Variants in HSPA4 observed in about 807,000 individuals in gnomAD.
The protein encoded by HSPA4 is heat shock protein family A (Hsp70) member 4.
Under a neutral mutation model 106.2 loss-of-function variants are expected in HSPA4, and 25 were observed. That is an observed-to-expected ratio of 0.24 (90% CI 0.17 to 0.33). The LOEUF (loss-of-function observed/expected upper bound fraction) is 0.33. Among genes scored for constraint, HSPA4 ranks in the 10% least tolerant of loss-of-function variants. HSPA4 has a pLI of 1.00. For synonymous variants in HSPA4, 332 were observed against 333.6 expected, an observed-to-expected ratio of 1.00 and a Z score of 0.05; for missense variants, 841 against 996.0, an observed-to-expected ratio of 0.84 and a Z score of 2.10.
intron 5 of HSPA4, 79 bp downstream of exon 5, chr5:133,073,408 C>A: frequency 3.0e-6 from 3 of 985,684 alleles, no homozygotes; most frequent in Non-Finnish European, 1.6e-6. Context: ...GGGTTTCTTG[C>A]TCTTTATTTT....
chr5:133,101,463 A>G (rs762044762), intron 16 of HSPA4: 2 of 206,278 alleles, frequency 9.7e-6, no homozygotes, highest in African/African-American at 4.6e-5. Flanking sequence ...TTTGGCAAGT[A>G]TACTTTATAT....
At position 133,104,257 on chromosome 5, in the gene HSPA4, A is replaced by C; in HGVS notation, c.2344A>C (p.Ile782Leu). 6.2e-7 allele frequency: 1 copy of C among 1,614,134 alleles called. No homozygotes were observed. Among genetic ancestry groups the C allele is most frequent in the Non-Finnish European group, 8.5e-7 (1 of 1,179,996 alleles). The change falls in exon 19 of 19, where the codon ATA (isoleucine) becomes CTA (leucine). Residue 782 changes from isoleucine (I) to leucine (L), a missense_variant. Physicochemically the swap from Ile to Leu is conservative, Grantham distance 5. Transcript: ENST00000304858. Reference protein sequence around the residue: ...IKELTSTCSPIISKPKPKVEP... With the variant: ...IKELTSTCSPLISKPKPKVEP... The stretch of plus-strand genomic sequence containing the variant: ...GGAGCTGACAAGTACTTGTAGCCCT[A>C]TAATTTCAAAGCCCAAACCCAAAGT...
chr5:133,098,575 G>A (rs184771389), intron 15 of HSPA4, among the ~76,000 whole-genome samples: 240 of 151,528 alleles, frequency 1.6e-3, no homozygotes, highest in African/African-American at 5.3e-3. Context: ...CACCTGCCTC[G>A]GCCTCCCAGA....
intron 3 of HSPA4, among the ~76,000 whole-genome samples, chr5:133,069,043 C>T (rs56104944): frequency 0.22 from 33,209 of 151,978 alleles, 3,774 homozygotes; most frequent in South Asian, 0.26. Flanking sequence ...GAAGGTGGCA[C>T]GCAAGCTTGA....
rs1401260344 is a variant in HSPA4 at position 133,104,387 on chromosome 5, C to T, written c.2474C>T (p.Ala825Val). The change falls in exon 19 of 19, where the codon GCT (alanine) becomes GTT (valine). Residue 825 changes from alanine (A) to valine (V), a missense_variant. Around this residue, in one of 5 missense-constraint regions of HSPA4, gnomAD observed 328 missense variants for 372.2 expected, o/e 0.88. Transcript: ENST00000304858. ...PQAAEQGTDT[A>V]VPSDSDKKLP... ...GCTGCTGAGCAGGGTACAGACACAG[C>T]TGTGCCTTCGGATTCAGACAAGAAG... 1.9e-6 allele frequency: 3 copies of T among 1,614,062 alleles called. No individual in the cohort carries two copies. The highest frequency in any genetic ancestry group is 2.5e-6 in the Non-Finnish European group (3 of 1,180,046).
chr5:133,078,492 G>C lies in HSPA4; in HGVS notation c.908+1594G>C, dbSNP rs371369960. Among the ~76,000 whole-genome samples, 4 of 151,486 alleles carry C rather than the reference G, an allele frequency of 2.6e-5. No homozygotes were observed. In the East Asian group the frequency reaches 5.9e-4, roughly 22 times the overall value. On this transcript the variant is annotated intron_variant, in intron 7 of 18. Coordinates refer to ENST00000304858, the MANE Select transcript of HSPA4 (RefSeq NM_002154.4). ...TCTACTAAAAATACAAAAACTAGCT[G>C]GGTGTGGTGGCAGGCGCCTGTAATC...
chr5:133,084,509 C>T lies in HSPA4; in HGVS notation c.909-2273C>T, dbSNP rs561063904. On this transcript the variant is annotated intron_variant, in intron 7 of 18. Coordinates refer to ENST00000304858, the MANE Select transcript of HSPA4 (RefSeq NM_002154.4). ...TTTTGAGATGGAGTTTCACTCTTTT[C>T]GTCCAGGTTGGAGTGCAGTGTCCTG... Among the ~76,000 whole-genome samples, 5 of 152,136 alleles carry T rather than the reference C, an allele frequency of 3.3e-5. No homozygotes were observed. In the South Asian group the frequency reaches 6.2e-4, roughly 19 times the overall value.
chr5:133,067,603 AT>A (rs1372483257), intron 3 of HSPA4, 46 bp downstream of exon 3: 1 of 1,463,062 alleles, frequency 6.8e-7, no homozygotes, highest in Non-Finnish European at 9.5e-7. Context: ...GCATTATTAT[AT>A]TTTATCAGTT....
chr5:133,095,014 C>T (rs899605988), intron 13 of HSPA4, among the ~76,000 whole-genome samples: 2 of 152,058 alleles, frequency 1.3e-5, no homozygotes, highest in Admixed American at 1.3e-4. Context: ...ACAAATAATA[C>T]AGTTAGAAAA....
intron 16 of HSPA4, chr5:133,101,521 C>T: frequency 5.2e-6 from 2 of 384,752 alleles, no homozygotes; most frequent in South Asian, 9.0e-5. Flanking sequence ...TTGGTGGTCT[C>T]CCTGCTGTGT....
At position 133,103,958 on chromosome 5, in the gene HSPA4, C is replaced by G. The variant is rs748456849; in HGVS notation, c.2251C>G (p.Leu751Val). The change falls in exon 18 of 19, where the codon CTG becomes GTG. Residue 751 changes from leucine to valine, a missense_variant. Physicochemically the swap from Leu to Val is conservative, Grantham distance 32. Transcript: ENST00000304858. ...GGAGTGGATGAATAACAAGCTAAAT[C>G]TGCAGAACAAGCAGAGTTTGACCAT... ...AMEWMNNKLN[L>V]QNKQSLTMDP... 2.5e-6 allele frequency: 4 copies of G among 1,613,892 alleles called. No individual in the cohort carries two copies. The highest frequency in any genetic ancestry group is 4.5e-5 in the East Asian group (2 of 44,864).
rs745701169 is a variant in HSPA4, at chr5:133,070,362, G to A, written c.307-12G>A. The A allele has an allele frequency of 1.9e-6, 3 of 1,605,138 alleles. No homozygotes were observed. Among genetic ancestry groups the A allele is most frequent in the South Asian group, 1.1e-5 (1 of 89,632 alleles). On this transcript the variant is annotated splice_polypyrimidine_tract_variant and intron_variant, in intron 3 of 18. Coordinates refer to ENST00000304858, the MANE Select transcript of HSPA4 (RefSeq NM_002154.4). ...TATAATAAGTCTAGGCCCCTTTGTT[G>A]TTTTCTTGCAGGTGACATATATGGA...
intron 15 of HSPA4, among the ~76,000 whole-genome samples, chr5:133,098,931 A>C (rs776596073): frequency 3.4e-4 from 52 of 152,024 alleles, no homozygotes; most frequent in Non-Finnish European, 6.2e-4. Context: ...AGCCTCCCAA[A>C]GTGCTGGGAT....
At chr5:133,084,820 C>T (rs971737102) in intron 7 of HSPA4, among the ~76,000 whole-genome samples, 8 of 151,512 alleles carry the variant, frequency 5.3e-5, no homozygotes, top group Admixed American at 3.3e-4. Flanking sequence ...CCACTTTTCC[C>T]TTTTTTTTGG....
At chr5:133,052,749 C>G (rs1162158378) in intron 1 of HSPA4, 1 of 176,556 alleles carries the variant, frequency 5.7e-6, no homozygotes, top group Non-Finnish European at 1.2e-5. Flanking sequence ...AAGCTCAGAA[C>G]TTTGCACACA....
In HSPA4 at chr5:133,104,334, T is replaced by C; in HGVS notation, c.2421T>C (p.Asp807=). The C allele has an allele frequency of 1.2e-6, 2 of 1,614,154 alleles. No individual in the cohort carries two copies. Among genetic ancestry groups the C allele is most frequent in the Non-Finnish European group, 1.7e-6 (2 of 1,180,016 alleles). The change falls in exon 19 of 19, where the codon GAT becomes GAC. Residue 807 remains aspartate (D), a synonymous_variant. Transcript: ENST00000304858. ...ATGCAGAGCAGAATGGACCAGTGGA[T>C]GGACAAGGAGACAACCCAGGCCCCC... is the stretch of plus-strand genomic sequence containing the variant. ...QKNAEQNGPV[D]GQGDNPGPQA...
intron 1 of HSPA4, among the ~76,000 whole-genome samples, chr5:133,060,455 C>G (rs533490763): frequency 6.6e-6 from 1 of 152,148 alleles, no homozygotes; most frequent in East Asian, 1.9e-4. Flanking sequence ...CTCTGCCTCC[C>G]CGGTTCAAGT....
intron 15 of HSPA4, 88 bp from the exon 16 acceptor site, chr5:133,099,457 T>G: frequency 1.6e-6 from 1 of 619,102 alleles, no homozygotes; most frequent in Non-Finnish European, 2.8e-6. Flanking sequence ...AAAGCAAATC[T>G]CAGATACATC....
At chr5:133,080,785 A>G (rs953818176) in intron 7 of HSPA4, among the ~76,000 whole-genome samples, 12 of 151,486 alleles carry the variant, frequency 7.9e-5, no homozygotes, top group African/African-American at 2.9e-4. Context: ...ATTTATTCTT[A>G]TACTTCTAAT....
Sources: allele counts gnomAD v4.1 joint callset (sites outside exome capture counted in the v4.1 genomes callset), GRCh38; gene constraint gnomAD v4.1.1; regional missense constraint gnomAD v4.1.1; transcripts MANE v1.5; gene names NCBI Gene and HGNC (gene_info 2026-07-23, HGNC 2026-07-21).